Variants in NRG1 observed in about 807,000 individuals in gnomAD.
The protein encoded by NRG1 is neuregulin 1, also known as pro-neuregulin-1, membrane-bound isoform.
Under a neutral mutation model 63.8 loss-of-function variants are expected in NRG1, and 18 were observed. That is an observed-to-expected ratio of 0.28 (90% CI 0.19 to 0.42). NRG1 has a LOEUF of 0.42. Ranked by LOEUF, NRG1 falls within the 10% of genes least tolerant of loss-of-function variation. The pLI, the probability that NRG1 is intolerant of heterozygous loss-of-function variation, is 1.00. For synonymous variants in NRG1, 302 were observed against 301.3 expected (o/e 1.00, Z -0.02); for missense variants, 762 against 814.7 (o/e 0.94, Z 0.79).
intron 1 of NRG1, among the ~76,000 whole-genome samples, chr8:32,133,535 G>A (rs1835123832): frequency 6.6e-6 from 1 of 152,066 alleles, no homozygotes; most frequent in African/African-American, 2.4e-5. Flanking sequence ...GGATACCTTA[G>A]TATTGTTTCT....
At chr8:32,637,057 C>T (rs902699255) in intron 5 of NRG1, among the ~76,000 whole-genome samples, 12 of 151,956 alleles carry the variant, frequency 7.9e-5, no homozygotes, top group Non-Finnish European at 1.5e-4. Flanking sequence ...CATATATGAA[C>T]CCAGAAACAC....
At chr8:31,695,718 T>G (rs565771277) in intron 1 of NRG1, among the ~76,000 whole-genome samples, 1 of 152,352 alleles carries the variant, frequency 6.6e-6, no homozygotes, top group Non-Finnish European at 1.5e-5. Flanking sequence ...TAAACCATTC[T>G]ATTTTTTAAG....
At chr8:32,548,560 C>A in exon 1 of NRG1, 1 of 1,263,518 alleles carries the variant, frequency 7.9e-7, no homozygotes, top group Non-Finnish European at 9.9e-7. Flanking sequence ...GTCCGCGCCG[C>A]GCTCCCTGCA....
intron 1 of NRG1, among the ~76,000 whole-genome samples, chr8:32,370,777 G>A (rs1055951247): frequency 7.3e-6 from 1 of 136,148 alleles, no homozygotes; most frequent in Non-Finnish European, 1.5e-5. Context: ...AGAATTGCTT[G>A]AGACTGGGAA....
intron 1 of NRG1, among the ~76,000 whole-genome samples, chr8:31,870,633 T>A (rs1829394604): frequency 6.6e-6 from 1 of 152,168 alleles, no homozygotes; most frequent in Non-Finnish European, 1.5e-5. Context: ...AAACCAATCA[T>A]ATAGTTTTGG....
intron 1 of NRG1, among the ~76,000 whole-genome samples, chr8:32,408,535 T>C (rs565247912): frequency 1.3e-5 from 2 of 152,240 alleles, no homozygotes; most frequent in African/African-American, 2.4e-5. Context: ...GCTCATTACC[T>C]TTAATTAGCT....
chr8:32,402,478 T>C (rs1239426159), intron 1 of NRG1, among the ~76,000 whole-genome samples: 2 of 152,200 alleles, frequency 1.3e-5, no homozygotes, highest in Non-Finnish European at 2.9e-5. Flanking sequence ...AGTAGCGTGA[T>C]GAAATCTTGC....
intron 1 of NRG1, among the ~76,000 whole-genome samples, chr8:32,198,135 G>A (rs1370632011): frequency 2.6e-5 from 4 of 152,154 alleles, no homozygotes; most frequent in South Asian, 2.1e-4. Context: ...TGATCATCCT[G>A]TACTTGGTGA....
intron 1 of NRG1, among the ~76,000 whole-genome samples, chr8:31,958,081 A>AGATAGATAGATG (rs1804769806): frequency 6.7e-6 from 1 of 149,974 alleles, no homozygotes; most frequent in Non-Finnish European, 1.5e-5. Context: ...ATAGATAGAT[A>AGATAGATAGATG]GACAGACAGA....
intron 1 of NRG1, among the ~76,000 whole-genome samples, chr8:32,428,563 C>G (rs183206575): frequency 6.6e-6 from 1 of 152,270 alleles, no homozygotes; most frequent in African/African-American, 2.4e-5. Context: ...TTCACACTTA[C>G]GTGTGAAGGG....
chr8:31,910,423 C>A (rs1832847190), intron 1 of NRG1, among the ~76,000 whole-genome samples: 1 of 152,110 alleles, frequency 6.6e-6, no homozygotes, highest in Non-Finnish European at 1.5e-5. Context: ...TTAAGCAGGG[C>A]TATGAGTTTA....
chr8:32,094,602 CT>C (rs1302602022), intron 1 of NRG1, among the ~76,000 whole-genome samples: 2 of 152,130 alleles, frequency 1.3e-5, no homozygotes, highest in Non-Finnish European at 2.9e-5. Flanking sequence ...TTTGAAATTA[CT>C]TTGCTAAGAG....
rs144998113 is a variant in NRG1, at chr8:31,919,206, C to A, written c.37+279775C>A. Among the ~76,000 whole-genome samples, 1,177 of 151,844 alleles carry A rather than the reference C, an allele frequency of 7.8e-3. 58 individuals carry two copies. Among genetic ancestry groups the A allele is most frequent in the Admixed American group, 0.065 (983 of 15,220 alleles). On this transcript the variant is annotated intron_variant, in intron 1 of 10. Coordinates refer to the NRG1 transcript ENST00000519301. ...GGTTTTTTGTGTCTCTATTTCCTTC[C>A]GTTCTGCTCTGATCTTAGTTATTTC...
chr8:32,218,915 C>A (rs1325924052), intron 1 of NRG1, among the ~76,000 whole-genome samples: 1 of 152,106 alleles, frequency 6.6e-6, no homozygotes, highest in African/African-American at 2.4e-5. Flanking sequence ...GGATGCATGG[C>A]AGTACCCTTA....
intron 1 of NRG1, among the ~76,000 whole-genome samples, chr8:32,185,405 G>A (rs1379170304): frequency 1.3e-5 from 2 of 152,084 alleles, no homozygotes; most frequent in Non-Finnish European, 2.9e-5. Context: ...TATGACTTAA[G>A]AAGTGATCTT....
intron 1 of NRG1, among the ~76,000 whole-genome samples, chr8:32,230,434 C>T (rs1318484853): frequency 6.6e-6 from 1 of 152,160 alleles, no homozygotes; most frequent in Non-Finnish European, 1.5e-5. Context: ...GCTACTGCTC[C>T]TAAAACCTAG....
intron 1 of NRG1, among the ~76,000 whole-genome samples, chr8:32,331,592 C>T (rs1802662140): frequency 6.6e-6 from 1 of 152,084 alleles, no homozygotes; most frequent in African/African-American, 2.4e-5. Flanking sequence ...GAACACATTT[C>T]TTTACAAAGA....
chr8:31,815,587 C>A (rs1014061706), intron 1 of NRG1, among the ~76,000 whole-genome samples: 1 of 152,100 alleles, frequency 6.6e-6, no homozygotes, highest in Non-Finnish European at 1.5e-5. Flanking sequence ...TCCCTGCTTT[C>A]GGTTCTTATG....
At chr8:32,312,859 T>C (rs1856980883) in intron 1 of NRG1, among the ~76,000 whole-genome samples, 2 of 152,038 alleles carry the variant, frequency 1.3e-5, no homozygotes, top group Non-Finnish European at 2.9e-5. Context: ...TGTTGTTTCA[T>C]TAAAATATAT....
Sources: gnomAD v4.1 joint callset for allele counts (sites outside exome capture counted in the v4.1 genomes callset) on GRCh38, gnomAD v4.1.1 for gene constraint, MANE v1.5 for transcripts, NCBI Gene and HGNC (gene_info 2026-07-23, HGNC 2026-07-21) for gene names.